Variants in GRM7 observed in about 807,000 individuals in gnomAD.
GRM7 encodes glutamate metabotropic receptor 7, also known as metabotropic glutamate receptor 7.
In GRM7, 35 loss-of-function variants were observed where a neutral mutation model predicts 84.5. The observed-to-expected ratio is 0.41, with a 90% CI of 0.32 to 0.55. The LOEUF (loss-of-function observed/expected upper bound fraction) is 0.55. Ranked by LOEUF, GRM7 falls within the 20% of genes least tolerant of loss-of-function variation. GRM7 has a pLI of 0.19. For missense variants in GRM7, 1,003 were observed against 1,194.6 expected, an observed-to-expected ratio of 0.84 and a Z score of 2.36; for synonymous variants, 487 against 455.1, an observed-to-expected ratio of 1.07 and a Z score of -0.89.
chr3:7,533,079 C>T (rs968928395), intron 7 of GRM7, among the ~76,000 whole-genome samples: 5 of 152,032 alleles, frequency 3.3e-5, no homozygotes, highest in African/African-American at 1.2e-4. Flanking sequence ...CAATATTAGA[C>T]AGATCAACAA....
chr3:7,593,069 G>A (rs1348034930), intron 8 of GRM7, among the ~76,000 whole-genome samples: 1 of 152,184 alleles, frequency 6.6e-6, no homozygotes, highest in South Asian at 2.1e-4. Flanking sequence ...GCTAGTTAGA[G>A]TATCTTTTCA....
intron 1 of GRM7, among the ~76,000 whole-genome samples, chr3:6,905,807 C>T (rs527746216): frequency 4.7e-4 from 71 of 152,070 alleles, no homozygotes; most frequent in African/African-American, 1.7e-3. Context: ...GTTTCCTGCC[C>T]AAAAAGTTTT....
Position 7,694,385 on chromosome 3 carries a change from T to G in GRM7, c.2698+14090T>G, listed in dbSNP as rs1246087922. The G allele has an allele frequency of 5.3e-6, 5 of 938,046 alleles. No homozygotes were observed. The African/African-American group carries it at 7.1e-5, about 13-fold the overall frequency. The allele number at this position is 938,046 out of a possible 1,614,324, so 58.1% of individuals were successfully genotyped here. ...TAGGAAAGGATTTTGGAGATTCCCA[T>G]CTGATATTCTTCTATTTGGTCTCTT... On this transcript the variant is annotated intron_variant, in intron 9 of 9. Transcript: ENST00000357716.
In GRM7 at chr3:7,421,447, T is replaced by C. The variant is rs534439617; in HGVS notation, c.1174+6284T>C. The stretch of plus-strand genomic sequence containing the variant: ...CTATAACTTCACTTTGTTTTTCAAA[T>C]CTCCATCCTATTGTTTTGTAGAAAT... On this transcript the variant is annotated intron_variant, in intron 5 of 9. Coordinates refer to ENST00000357716, the MANE Select transcript of GRM7 (RefSeq NM_000844.4). Among the ~76,000 whole-genome samples, 15 of 152,318 alleles carry C rather than the reference T, an allele frequency of 9.8e-5. No individual in the cohort carries two copies. The South Asian group carries it at 2.3e-3, about 23-fold the overall frequency.
chr3:7,109,102 GATATGAA>G (rs1156734019), intron 1 of GRM7, among the ~76,000 whole-genome samples: 1 of 152,002 alleles, frequency 6.6e-6, no homozygotes, highest in East Asian at 1.9e-4. Context: ...AAAAGAGGCT[GATATGAA>G]ATGAGAAGAA....
intron 2 of GRM7, among the ~76,000 whole-genome samples, chr3:7,245,958 T>C (rs1482374790): frequency 2.6e-5 from 4 of 152,080 alleles, no homozygotes; most frequent in African/African-American, 9.7e-5. Context: ...ATGAACATGA[T>C]TATTACCCTA....
chr3:7,365,262 A>G (rs1229109041), intron 4 of GRM7, among the ~76,000 whole-genome samples: 3 of 151,928 alleles, frequency 2.0e-5, no homozygotes, highest in African/African-American at 7.2e-5. Flanking sequence ...CACATAGCTG[A>G]TATTGAAATT....
intron 8 of GRM7, among the ~76,000 whole-genome samples, chr3:7,618,785 C>G (rs1697229861): frequency 6.6e-6 from 1 of 152,138 alleles, no homozygotes; most frequent in Non-Finnish European, 1.5e-5. Flanking sequence ...GTGACAATTA[C>G]AGTGGGCTGG....
intron 1 of GRM7, among the ~76,000 whole-genome samples, chr3:7,038,862 T>TA (rs940970789): frequency 6.6e-6 from 1 of 152,124 alleles, no homozygotes; most frequent in Non-Finnish European, 1.5e-5. Flanking sequence ...CCCCTTTTTT[T>TA]AAAAAATTAT....
chr3:7,086,180 T>C lies in GRM7; in HGVS notation c.520-60272T>C, dbSNP rs866112329. 5.3e-5 allele frequency among the ~76,000 whole-genome samples: 8 copies of C among 152,316 alleles called. No homozygotes were observed. In the South Asian group the frequency reaches 1.2e-3, roughly 24 times the overall value. Reference sequence around the variant, plus strand: ...TCTAGTTACGTTCACTGGAGCTATATTGAGTCTATAGAATCACTGTCTTAC... The same window carrying C: ...TCTAGTTACGTTCACTGGAGCTATACTGAGTCTATAGAATCACTGTCTTAC... On this transcript the variant is annotated intron_variant, in intron 1 of 9. Transcript: ENST00000357716.
rs113953509 is a variant in GRM7 at position 7,146,803 on chromosome 3, T to C, written c.736+135T>C. The stretch of plus-strand genomic sequence containing the variant: ...TCCTGTGAAGTACACCTGTGATGTC[T>C]TCATCTGTATGACTTTGTTGTTTTT... On this transcript the variant is annotated intron_variant, in intron 2 of 9. Coordinates refer to ENST00000357716, the MANE Select transcript of GRM7 (RefSeq NM_000844.4). 3.0e-5 allele frequency: 19 copies of C among 635,594 alleles called. 1 individual carries two copies. Among genetic ancestry groups the C allele is most frequent in the African/African-American group, 2.4e-4 (13 of 54,658 alleles). 39.4% of individuals were successfully genotyped at this position (635,594 alleles called of 1,614,324 possible). A position where few individuals can be genotyped will look rare whatever the true frequency, so the allele number is the denominator to read the frequency against.
At chr3:6,979,661 C>G (rs1332836689) in intron 1 of GRM7, among the ~76,000 whole-genome samples, 2 of 152,176 alleles carry the variant, frequency 1.3e-5, no homozygotes, top group African/African-American at 4.8e-5. Context: ...ATTGATATAA[C>G]CAAATGACAG....
intron 7 of GRM7, chr3:7,559,195 C>G (rs956364476): frequency 7.2e-6 from 1 of 138,648 alleles, no homozygotes; most frequent in Non-Finnish European, 1.5e-5. Flanking sequence ...AGGGCATCAA[C>G]AAGATATGTG....
intron 4 of GRM7, among the ~76,000 whole-genome samples, chr3:7,346,348 C>G (rs1446612841): frequency 1.3e-5 from 2 of 152,024 alleles, no homozygotes; most frequent in Non-Finnish European, 2.9e-5. Flanking sequence ...TTGTGATTTC[C>G]AAAAGTCATC....
At chr3:7,593,154 G>T (rs889946098) in intron 8 of GRM7, among the ~76,000 whole-genome samples, 2 of 152,152 alleles carry the variant, frequency 1.3e-5, no homozygotes, top group East Asian at 3.8e-4. Flanking sequence ...TGAGATCATT[G>T]CTTCTGGCAA....
Position 7,709,112 on chromosome 3 carries a change from T to G in GRM7, c.2698+28817T>G, listed in dbSNP as rs182513693. Among the ~76,000 whole-genome samples the G allele has an allele frequency of 4.3e-4, 65 of 152,210 alleles. 1 individual carries two copies. The East Asian group carries it at 6.8e-3, about 16-fold the overall frequency. On this transcript the variant is annotated intron_variant, in intron 9 of 9. Coordinates refer to ENST00000357716, the MANE Select transcript of GRM7 (RefSeq NM_000844.4). ...TCAACTTTTTTGTGGTTGTCCTATTTCACTTATTGAACCCATCTTCAGCAA... is the reference window on the plus strand; with the variant it reads ...TCAACTTTTTTGTGGTTGTCCTATTGCACTTATTGAACCCATCTTCAGCAA...
intron 4 of GRM7, chr3:7,403,026 T>G (rs977277538): frequency 3.5e-5 from 8 of 228,848 alleles, no homozygotes; most frequent in Admixed American, 3.5e-4. Context: ...TTCTGGCTGC[T>G]GAGACATTTT....
intron 1 of GRM7, among the ~76,000 whole-genome samples, chr3:6,999,091 C>T (rs1487249401): frequency 2.6e-5 from 4 of 152,118 alleles, no homozygotes; most frequent in Non-Finnish European, 4.4e-5. Context: ...TTTTTTTGCT[C>T]TGCTTGCTCT....
intron 9 of GRM7, among the ~76,000 whole-genome samples, chr3:7,685,255 G>A (rs932816130): frequency 9.9e-5 from 15 of 152,192 alleles, no homozygotes; most frequent in Non-Finnish European, 2.1e-4. Context: ...ACCAGAAGAT[G>A]TTCTGTAAAT....
Sources: allele counts gnomAD v4.1 joint callset (sites outside exome capture counted in the v4.1 genomes callset), GRCh38; gene constraint gnomAD v4.1.1; transcripts MANE v1.5; gene names NCBI Gene and HGNC (gene_info 2026-07-23, HGNC 2026-07-21).